The following PRDM16 variants were observed in gnomAD, a reference collection of about 807,000 sequenced individuals.
PRDM16 encodes the protein PR/SET domain 16, also known as histone-lysine N-methyltransferase PRDM16.
In PRDM16, 23 loss-of-function variants were observed where a neutral mutation model predicts 110.6. That is an observed-to-expected ratio of 0.21 (90% CI 0.15 to 0.29). The LOEUF is 0.29. PRDM16 is among the 10% of genes least tolerant of loss of function. The pLI is 1.00. For missense variants in PRDM16, 1,615 were observed against 1,794.3 expected (o/e 0.90, Z 1.81); for synonymous variants, 799 against 781.8 (o/e 1.02, Z -0.37).
At chr1:3,249,107 A>G (rs1226929149) in intron 3 of PRDM16, among the ~76,000 whole-genome samples, 1 of 152,214 alleles carries the variant, frequency 6.6e-6, no homozygotes, top group Non-Finnish European at 1.5e-5. Flanking sequence ...CTTTTAGCCC[A>G]GCACAGCACC....
intron 1 of PRDM16, among the ~76,000 whole-genome samples, chr1:3,180,955 CA>C (rs1448120102): frequency 6.9e-6 from 1 of 144,872 alleles, no homozygotes; most frequent in East Asian, 2.5e-4. Context: ...CTTACACACG[CA>C]GTCTTACACA....
chr1:3,269,727 CA>C (rs1404738003), intron 3 of PRDM16, among the ~76,000 whole-genome samples: 1 of 149,226 alleles, frequency 6.7e-6, no homozygotes, highest in Non-Finnish European at 1.5e-5. Context: ...CGGAGGAGGA[CA>C]GTTGGGAGGA....
At chr1:3,386,633 A>C (rs1643204821) in intron 4 of PRDM16, 1 of 152,244 alleles carries the variant, frequency 6.6e-6, no homozygotes, top group Non-Finnish European at 1.5e-5. Flanking sequence ...AATAATCATA[A>C]ACATAAGAGC....
rs12029107 is a variant in PRDM16 at position 3,426,721 on chromosome 1, G to A, written c.3284+496G>A. Among the ~76,000 whole-genome samples the A allele has an allele frequency of 5.2e-3, 798 of 152,230 alleles. 36 individuals are homozygous for A. The East Asian group carries it at 0.12, about 22-fold the overall frequency. On this transcript the variant is annotated intron_variant, in intron 14 of 16. Coordinates refer to ENST00000270722, the MANE Select transcript of PRDM16 (RefSeq NM_022114.4). ...TGCACATATGCACACAGAGATGCACGTTTGTATACATGTGTATACATATGC... is the reference window on the plus strand; with the variant it reads ...TGCACATATGCACACAGAGATGCACATTTGTATACATGTGTATACATATGC...
chr1:3,359,012 G>C lies in PRDM16; in HGVS notation c.439-26140G>C, dbSNP rs1289756642. Among the ~76,000 whole-genome samples the C allele has an allele frequency of 6.6e-6, 1 of 152,170 alleles. No homozygotes were observed. Among genetic ancestry groups the C allele is most frequent in the Non-Finnish European group, 1.5e-5 (1 of 68,040 alleles). ...GCATTACAGCCAGTTGACTCGCGGA[G>C]TCCTCACTGGCCAACTAGAGTCTTC... On this transcript the variant is annotated intron_variant, in intron 3 of 16. Coordinates refer to ENST00000270722, the MANE Select transcript of PRDM16 (RefSeq NM_022114.4). The surrounding 1 kb of genome is among the most constrained non-coding windows in gnomAD (Gnocchi z 4.3).
At chr1:3,232,164 G>A (rs1184458047) in intron 2 of PRDM16, among the ~76,000 whole-genome samples, 1 of 152,138 alleles carries the variant, frequency 6.6e-6, no homozygotes, top group Admixed American at 6.5e-5. Context: ...AGAAAGCAAA[G>A]CTCTTCATCT....
At chr1:3,404,640 G>A in intron 6 of PRDM16, 99 bp from the exon 7 acceptor site, 1 of 1,426,222 alleles carries the variant, frequency 7.0e-7, no homozygotes, top group Non-Finnish European at 9.6e-7. Context: ...CGTGGTGGGG[G>A]CTCCGAAGGG....
chr1:3,104,090 G>A (rs1001841188), intron 1 of PRDM16, among the ~76,000 whole-genome samples: 3 of 152,320 alleles, frequency 2.0e-5, no homozygotes, highest in Non-Finnish European at 4.4e-5. Flanking sequence ...ATAACACACA[G>A]CTCCTTGGGC....
intron 1 of PRDM16, among the ~76,000 whole-genome samples, chr1:3,181,306 A>AAGCAGTCTTACACACG (rs1458481714): frequency 1.6e-5 from 2 of 126,748 alleles, no homozygotes; most frequent in African/African-American, 5.8e-5. Context: ...AGTCTTACAC[A>AAGCAGTCTTACACACG]CGGTCTTACA....
intron 3 of PRDM16, among the ~76,000 whole-genome samples, chr1:3,317,961 G>A (rs774454415): frequency 3.2e-4 from 48 of 152,172 alleles, no homozygotes; most frequent in Non-Finnish European, 4.3e-4. Context: ...GCTCATTGCT[G>A]CTAGCGCTAA....
At chr1:3,426,924 C>G (rs2483237) in intron 14 of PRDM16, among the ~76,000 whole-genome samples, 4,372 of 152,236 alleles carry the variant, frequency 0.029, 209 homozygotes, top group African/African-American at 0.1. Flanking sequence ...CGGGCATGCA[C>G]GTGCACTCAT....
intron 5 of PRDM16, among the ~76,000 whole-genome samples, chr1:3,400,587 C>T (rs774389541): frequency 6.6e-6 from 1 of 152,150 alleles, no homozygotes; most frequent in Non-Finnish European, 1.5e-5. Context: ...CAGCCTTCCC[C>T]GGAGAGGTTT....
At chr1:3,184,867 G>A (rs573398459) in intron 1 of PRDM16, among the ~76,000 whole-genome samples, 8 of 151,790 alleles carry the variant, frequency 5.3e-5, no homozygotes, top group South Asian at 2.1e-4. Context: ...CAGGCTGCGC[G>A]TGCCAGGGCC....
At position 3,435,619 on chromosome 1, in the gene PRDM16, A is replaced by T. The variant is rs1330952194; in HGVS notation, c.*1808A>T. On this transcript the variant is annotated 3_prime_UTR_variant, in exon 17 of 17. Coordinates refer to ENST00000270722, the MANE Select transcript of PRDM16 (RefSeq NM_022114.4). ...CTTTAAAAAAAAAGAGCGTAAATAC[A>T]AACAGGAGTGGTGCAAGCCGCCTTG... The T allele has an allele frequency of 4.3e-6, 1 of 232,912 alleles. No individual in the cohort carries two copies. Among genetic ancestry groups the T allele is most frequent in the Non-Finnish European group, 8.5e-6 (1 of 117,888 alleles). 14.4% of individuals were successfully genotyped at this position (232,912 alleles called of 1,614,324 possible). A position where few individuals can be genotyped will look rare whatever the true frequency, so the allele number is the denominator to read the frequency against.
intron 3 of PRDM16, among the ~76,000 whole-genome samples, chr1:3,327,499 C>T (rs941920210): frequency 1.3e-5 from 2 of 152,202 alleles, no homozygotes; most frequent in Admixed American, 6.5e-5. Flanking sequence ...ACAACGGCGG[C>T]GGCCCCGGGC....
intron 3 of PRDM16, among the ~76,000 whole-genome samples, chr1:3,357,515 C>A (rs113367489): frequency 5.3e-5 from 8 of 152,278 alleles, no homozygotes; most frequent in African/African-American, 1.7e-4. Context: ...CTTTCCAGAG[C>A]CCTGGATCCG....
intron 1 of PRDM16, among the ~76,000 whole-genome samples, chr1:3,182,846 G>A (rs1270166416): frequency 4.6e-5 from 7 of 152,260 alleles, no homozygotes; most frequent in African/African-American, 9.6e-5. Context: ...GGTGCTTCAC[G>A]GCAGAAAGGG....
chr1:3,225,967 G>A lies in PRDM16; in HGVS notation c.388-18120G>A, dbSNP rs535053397. ...AGGTGAGGCTGATTCTCCTGCATCCGTGCCTCAGCCCTTAGTGGTCCCAGA... is the reference window on the plus strand; with the variant it reads ...AGGTGAGGCTGATTCTCCTGCATCCATGCCTCAGCCCTTAGTGGTCCCAGA... On this transcript the variant is annotated intron_variant, in intron 2 of 16. Transcript: ENST00000270722. 1.6e-4 allele frequency among the ~76,000 whole-genome samples: 25 copies of A among 152,316 alleles called. No homozygotes were observed. In the South Asian group the frequency reaches 4.8e-3, roughly 29 times the overall value.
intron 3 of PRDM16, among the ~76,000 whole-genome samples, chr1:3,356,362 G>A (rs564484554): frequency 4.7e-4 from 72 of 152,336 alleles, no homozygotes; most frequent in African/African-American, 1.4e-3. Flanking sequence ...TGCTCAGGAC[G>A]TGCGGCTGCC....
Sources: gnomAD v4.1 joint callset for allele counts (sites outside exome capture counted in the v4.1 genomes callset) on GRCh38, gnomAD v4.1.1 for gene constraint, Gnocchi (gnomAD v3.1) non-coding constraint, MANE v1.5 for transcripts, NCBI Gene and HGNC (gene_info 2026-07-23, HGNC 2026-07-21) for gene names.